PRDM7: variants seen among roughly 807,000 people sequenced by gnomAD.
PRDM7 encodes the protein histone-lysine N-methyltransferase PRDM7.
A neutral mutation model predicts 64.3 loss-of-function variants in PRDM7; 52 were observed. The ratio of observed to expected loss-of-function variants is 0.81; its 90% confidence interval spans 0.65 to 1.02. PRDM7 has a LOEUF of 1.02. Ranked by LOEUF, PRDM7 falls within the 50% of genes least tolerant of loss-of-function variation. The probability of loss-of-function intolerance (pLI) is 0.00; values close to 1 mark genes in which losing one functional copy is unlikely to be tolerated. For missense variants in PRDM7, 574 were observed against 597.1 expected (o/e 0.96, Z 0.40); for synonymous variants, 192 against 210.1 (o/e 0.91, Z 0.74).
At chr16:90,069,459 T>C (rs1326702135) in intron 4 of PRDM7, among the ~76,000 whole-genome samples, 1 of 151,368 alleles carries the variant, frequency 6.6e-6, no homozygotes, top group African/African-American at 2.5e-5. Context: ...AATAACTTCT[T>C]GTATATGACA....
intron 4 of PRDM7, among the ~76,000 whole-genome samples, chr16:90,068,879 G>C (rs1214997407): frequency 6.6e-6 from 1 of 151,202 alleles, no homozygotes; most frequent in Non-Finnish European, 1.5e-5. Flanking sequence ...CAAATAGATG[G>C]AAGACATCCT....
intron 5 of PRDM7, 38 bp downstream of exon 5, chr16:90,066,823 G>A (rs377648442): frequency 1.3e-6 from 2 of 1,513,638 alleles, no homozygotes; most frequent in South Asian, 2.2e-5. Flanking sequence ...GGATCTATGA[G>A]GAAGGTTTCT....
At chr16:90,069,369 A>G (rs2037924607) in intron 4 of PRDM7, among the ~76,000 whole-genome samples, 2 of 151,428 alleles carry the variant, frequency 1.3e-5, no homozygotes, top group South Asian at 4.1e-4. Flanking sequence ...AAATAGATTA[A>G]AGACTGAAAT....
chr16:90,057,701 G>T lies in PRDM7; in HGVS notation c.*588C>A. On this transcript the variant is annotated 3_prime_UTR_variant, in exon 11 of 11. Transcript: ENST00000449207. ...CGGATTTGTTTAATTAGTTATTTCC[G>T]ATCTCTTTACACTCTCGGGGAATGT... 2.5e-6 allele frequency: 3 copies of T among 1,186,852 alleles called. No homozygotes were observed. Among genetic ancestry groups the T allele is most frequent in the South Asian group, 3.3e-5 (2 of 60,120 alleles). 73.5% of individuals were successfully genotyped at this position (1,186,852 alleles called of 1,614,324 possible). A position where few individuals can be genotyped will look rare whatever the true frequency, so the allele number is the denominator to read the frequency against.
intron 4 of PRDM7, among the ~76,000 whole-genome samples, chr16:90,070,582 A>G (rs1186760032): frequency 3.3e-5 from 5 of 150,192 alleles, no homozygotes; most frequent in Non-Finnish European, 7.4e-5. Context: ...GAGGCTGTCT[A>G]AAAAAAAATC....
chr16:90,074,560 A>C (rs1158612501), intron 4 of PRDM7, among the ~76,000 whole-genome samples: 1 of 151,294 alleles, frequency 6.6e-6, no homozygotes, highest in East Asian at 2.0e-4. Flanking sequence ...TGGATGACAG[A>C]GCAAGACTCT....
intron 6 of PRDM7, 38 bp downstream of exon 6, chr16:90,063,574 A>G: frequency 6.2e-7 from 1 of 1,606,360 alleles, no homozygotes; most frequent in South Asian, 1.1e-5. Context: ...TTTCTAGAGG[A>G]CATAGAGGGA....
intron 4 of PRDM7, among the ~76,000 whole-genome samples, chr16:90,067,157 G>A (rs2037888042): frequency 6.6e-6 from 1 of 150,808 alleles, no homozygotes; most frequent in Non-Finnish European, 1.5e-5. Context: ...GTAGAGATGG[G>A]GTTTCTCCAT....
intron 5 of PRDM7, 50 bp from the exon 6 acceptor site, chr16:90,063,818 C>T: frequency 6.3e-7 from 1 of 1,597,480 alleles, no homozygotes; most frequent in Non-Finnish European, 8.6e-7. Context: ...TTATTTAGTT[C>T]TTTACGGCTT....
At chr16:90,064,560 C>T (rs754104155) in intron 5 of PRDM7, among the ~76,000 whole-genome samples, 6 of 150,100 alleles carry the variant, frequency 4.0e-5, no homozygotes, top group Non-Finnish European at 7.4e-5. Context: ...ATTACAGGCA[C>T]GTGCCACCAC....
intron 1 of PRDM7, 54 bp from the exon 2 acceptor site, chr16:90,076,049 A>G: frequency 2.0e-6 from 2 of 979,130 alleles, no homozygotes; most frequent in East Asian, 5.2e-5. Context: ...ACTACCCAGA[A>G]CAAGGCTCTG....
At chr16:90,061,366 T>C (rs1207473792) in intron 9 of PRDM7, 86 bp downstream of exon 9, 33 of 1,362,412 alleles carry the variant, frequency 2.4e-5, no homozygotes, top group Non-Finnish European at 3.4e-5. Flanking sequence ...TGAAAATCAT[T>C]GAGGGAGGCA....
At chr16:90,059,922 C>T (rs951897874) in intron 10 of PRDM7, among the ~76,000 whole-genome samples, 3 of 152,204 alleles carry the variant, frequency 2.0e-5, no homozygotes, top group African/African-American at 7.2e-5. Flanking sequence ...CCTGCAACAT[C>T]GTCTGGCACA....
At position 90,066,900 on chromosome 16, in the gene PRDM7, A is replaced by G. The variant is rs1380021209; in HGVS notation, c.312T>C (p.Pro104=). The change falls in exon 5 of 11, where the codon CCT becomes CCC. Residue 104 remains proline (P), a synonymous_variant. Coordinates refer to ENST00000449207, the MANE Select transcript of PRDM7 (RefSeq NM_001098173.2). The stretch of plus-strand genomic sequence containing the variant: ...TCTGTTCTCCTCTGAAGGCCATCCA[A>G]GGAGGTTTGACTAAGAGGTGATGAG... The part of the protein sequence containing the change: ...EWTPRQQVKP[P]WMAFRGEQSK... The G allele has an allele frequency of 5.0e-6, 8 of 1,597,878 alleles. 1 individual carries two copies. The highest frequency in any genetic ancestry group is 1.4e-5 in the African/African-American group (1 of 73,012).
At chr16:90,064,469 A>C (rs1206385869) in intron 5 of PRDM7, among the ~76,000 whole-genome samples, 1 of 152,158 alleles carries the variant, frequency 6.6e-6, no homozygotes, top group East Asian at 1.9e-4. Context: ...GCTGGAATGC[A>C]GTGGCATGAT....
Position 90,061,452 on chromosome 16 carries a change from C to T in PRDM7, c.950G>A (p.Arg317Lys), listed in dbSNP as rs150630173. The T allele has an allele frequency of 1.2e-4, 194 of 1,595,236 alleles. 1 individual carries two copies. In the African/African-American group the frequency reaches 2.2e-3, roughly 18 times the overall value. ...AAACTAAGAGACCTAGTGGCCTTACCTCATCCAGTTGGCCGAGGATTTATC... is the reference window on the plus strand; with the variant it reads ...AAACTAAGAGACCTAGTGGCCTTACTTCATCCAGTTGGCCGAGGATTTATC... Reference protein sequence around the residue: ...GKDKSSANWMRYVNCARDDEE... With the variant: ...GKDKSSANWMKYVNCARDDEE... The change falls in exon 9 of 11, where the codon AGG (arginine) becomes AAG (lysine). Residue 317 changes from arginine to lysine, a missense_variant and splice_region_variant. Coordinates refer to ENST00000449207, the MANE Select transcript of PRDM7 (RefSeq NM_001098173.2).
At chr16:90,071,005 G>A (rs1041719186) in intron 4 of PRDM7, among the ~76,000 whole-genome samples, 1 of 152,196 alleles carries the variant, frequency 6.6e-6, no homozygotes, top group Non-Finnish European at 1.5e-5. Context: ...GATAGCCTCT[G>A]TCAAAAAACC....
chr16:90,075,311 A>T lies in PRDM7; in HGVS notation c.193+40T>A. ...AATATAGGGACCAAAGACCTGTTTTATATCGCCCAGGCTGGTCTGTGCCCA... is the reference window on the plus strand; with the variant it reads ...AATATAGGGACCAAAGACCTGTTTTTTATCGCCCAGGCTGGTCTGTGCCCA... On this transcript the variant is annotated intron_variant, in intron 3 of 10. Transcript: ENST00000449207. The surrounding 1 kb of genome is among the most constrained non-coding windows in gnomAD (Gnocchi z 4.3). The T allele has an allele frequency of 3.1e-6, 5 of 1,614,110 alleles. No homozygotes were observed. Among genetic ancestry groups the T allele is most frequent in the Non-Finnish European group, 4.2e-6 (5 of 1,179,962 alleles).
At position 90,075,171 on chromosome 16, in the gene PRDM7, A is replaced by T; in HGVS notation, c.194-148T>A. 1 of 1,363,384 alleles carries T rather than the reference A, an allele frequency of 7.3e-7. No individual in the cohort carries two copies. Among genetic ancestry groups the T allele is most frequent in the South Asian group, 1.2e-5 (1 of 81,030 alleles). The allele number at this position is 1,363,384 out of a possible 1,614,324, so 84.5% of individuals were successfully genotyped here. On this transcript the variant is annotated intron_variant, in intron 3 of 10. Coordinates refer to ENST00000449207, the MANE Select transcript of PRDM7 (RefSeq NM_001098173.2). This position sits in a 1 kb window ranked among gnomAD's most constrained non-coding sequence, Gnocchi z 4.3. ...AACAAGGTCAAGATGTGACCTCTGC[A>T]TGGTCAGTATCCACACACAACCCTG...
Sources: gnomAD v4.1 joint callset for allele counts (sites outside exome capture counted in the v4.1 genomes callset) on GRCh38, gnomAD v4.1.1 for gene constraint, Gnocchi (gnomAD v3.1) non-coding constraint, MANE v1.5 for transcripts, NCBI Gene and HGNC (gene_info 2026-07-23, HGNC 2026-07-21) for gene names.